Variants in GRK5 observed in about 807,000 individuals in gnomAD.
The protein encoded by GRK5 is G protein-coupled receptor kinase 5.
Under a neutral mutation model 78.4 loss-of-function variants are expected in GRK5, and 40 were observed. The ratio of observed to expected loss-of-function variants is 0.51; its 90% CI spans 0.40 to 0.66. The LOEUF is 0.66. Ranked by LOEUF, GRK5 falls within the 30% of genes least tolerant of loss-of-function variation. GRK5 has a pLI of 0.00. For missense variants in GRK5, 598 were observed against 759.9 expected (o/e 0.79, Z 2.50); for synonymous variants, 289 against 296.8 (o/e 0.97, Z 0.27).
At chr10:119,335,492 T>C (rs1850868755) in intron 2 of GRK5, among the ~76,000 whole-genome samples, 1 of 152,170 alleles carries the variant, frequency 6.6e-6, no homozygotes, top group African/African-American at 2.4e-5. Flanking sequence ...GTCTCCCAAG[T>C]AGCTGGGACT....
rs113844705 is a variant in GRK5 at position 119,379,803 on chromosome 10, C to T, written c.149-1012C>T. Among the ~76,000 whole-genome samples the T allele has an allele frequency of 7.2e-3, 1,093 of 152,300 alleles. 6 individuals are homozygous for T. Among genetic ancestry groups the T allele is most frequent in the African/African-American group, 0.025 (1,045 of 41,562 alleles). On this transcript the variant is annotated intron_variant, in intron 2 of 15. Coordinates refer to ENST00000392870, the MANE Select transcript of GRK5 (RefSeq NM_005308.3). This position sits in a 1 kb window ranked among gnomAD's most constrained non-coding sequence, Gnocchi z 4.1. ...GAAGAACCAAAAGGGAAAGGGCCCC[C>T]ATCCCAACTCCAGCATGCCCTTCTT...
intron 2 of GRK5, among the ~76,000 whole-genome samples, chr10:119,361,587 C>T (rs1042603634): frequency 1.2e-4 from 19 of 152,134 alleles, no homozygotes; most frequent in Admixed American, 5.2e-4. Flanking sequence ...CTGTGCTGCA[C>T]GCCACTGAGG....
intron 3 of GRK5, among the ~76,000 whole-genome samples, chr10:119,384,131 G>A (rs1215901334): frequency 1.3e-5 from 2 of 152,152 alleles, no homozygotes; most frequent in Non-Finnish European, 2.9e-5. Flanking sequence ...GACTTGCCAG[G>A]ACAGTTCAAG....
At chr10:119,242,522 G>A (rs1849042511) in intron 1 of GRK5, among the ~76,000 whole-genome samples, 1 of 149,340 alleles carries the variant, frequency 6.7e-6, no homozygotes, top group Non-Finnish European at 1.5e-5. Flanking sequence ...GCATCATGGT[G>A]CCCAGTGTGT....
At chr10:119,444,161 G>A (rs1426987610) in intron 12 of GRK5, among the ~76,000 whole-genome samples, 1 of 152,070 alleles carries the variant, frequency 6.6e-6, no homozygotes, top group African/African-American at 2.4e-5. Context: ...ATCCTAAGGT[G>A]TTGGTTTAAG....
intron 2 of GRK5, among the ~76,000 whole-genome samples, chr10:119,351,848 A>G (rs1282857180): frequency 6.6e-6 from 1 of 152,240 alleles, no homozygotes; most frequent in Non-Finnish European, 1.5e-5. Flanking sequence ...ATAAAGTTCA[A>G]AGAAGTGAAA....
intron 1 of GRK5, among the ~76,000 whole-genome samples, chr10:119,289,940 A>G (rs1212890214): frequency 6.6e-6 from 1 of 152,190 alleles, no homozygotes. Flanking sequence ...GGTCAGCTGT[A>G]CTTACCGGCT....
At chr10:119,330,713 C>A (rs1315988431) in intron 2 of GRK5, among the ~76,000 whole-genome samples, 1 of 152,136 alleles carries the variant, frequency 6.6e-6, no homozygotes, top group Non-Finnish European at 1.5e-5. Flanking sequence ...CAGCCCCCTC[C>A]TCCCAAATTA....
At chr10:119,262,380 C>T (rs1297395262) in intron 1 of GRK5, among the ~76,000 whole-genome samples, 1 of 127,778 alleles carries the variant, frequency 7.8e-6, no homozygotes, top group Non-Finnish European at 1.6e-5. Context: ...CCTCTGTTGC[C>T]CAGGCTGGAG....
At chr10:119,454,514 G>A (rs1328584602) in intron 15 of GRK5, among the ~76,000 whole-genome samples, 2 of 152,170 alleles carry the variant, frequency 1.3e-5, no homozygotes, top group African/African-American at 2.4e-5. Flanking sequence ...CAATGGGAAC[G>A]ACCGCCCATC....
rs1027028396 is a variant in GRK5 at position 119,394,984 on chromosome 10, G to A, written c.262-1711G>A. Among the ~76,000 whole-genome samples the A allele has an allele frequency of 1.3e-5, 2 of 151,056 alleles. 1 individual carries two copies. Among genetic ancestry groups the A allele is most frequent in the South Asian group, 4.2e-4 (2 of 4,774 alleles). ...CTCTCGAGTCAAATCATCAAGAAGT[G>A]CCCAGTCCCTCAAGGCTCATCTTGA... is the stretch of plus-strand genomic sequence containing the variant. On this transcript the variant is annotated intron_variant, in intron 3 of 15. Coordinates refer to ENST00000392870, the MANE Select transcript of GRK5 (RefSeq NM_005308.3).
At position 119,238,936 on chromosome 10, in the gene GRK5, AG is replaced by A. The variant is rs1848975117; in HGVS notation, c.52+30972del. ...TGAGCAGAAAACTTTGTTTTGGAAA[AG>A]GGGGTGTTGAAGCCAAGGCATTAGA... is the stretch of plus-strand genomic sequence containing the variant. On this transcript the variant is annotated intron_variant, in intron 1 of 15. Transcript: ENST00000392870. The surrounding 1 kb of genome is among the most constrained non-coding windows in gnomAD (Gnocchi z 4.7). 6.6e-6 allele frequency among the ~76,000 whole-genome samples: 1 copy of A among 152,128 alleles called. No individual in the cohort carries two copies. The highest frequency in any genetic ancestry group is 1.5e-5 in the Non-Finnish European group (1 of 68,012).
intron 1 of GRK5, among the ~76,000 whole-genome samples, chr10:119,308,003 C>A (rs971743400): frequency 2.6e-4 from 39 of 152,302 alleles, no homozygotes; most frequent in African/African-American, 9.1e-4. Flanking sequence ...CTATACCCTG[C>A]CTCTATGAGG....
At position 119,452,434 on chromosome 10, in the gene GRK5, A is replaced by G. The variant is rs1853305948; in HGVS notation, c.1405-237A>G. 1.9e-6 allele frequency: 1 copy of G among 529,722 alleles called. No individual in the cohort carries two copies. The highest frequency in any genetic ancestry group is 3.4e-6 in the Non-Finnish European group (1 of 295,338). 32.8% of individuals were successfully genotyped at this position (529,722 alleles called of 1,614,324 possible). ...CACTGTCATCTGGAGGGGTCGCACA[A>G]AAAAACCACAGGCCATCATCTGAGG... On this transcript the variant is annotated intron_variant, in intron 13 of 15. Transcript: ENST00000392870. This position sits in a 1 kb window ranked among gnomAD's most constrained non-coding sequence, Gnocchi z 4.4.
At chr10:119,348,917 C>T (rs1220783196) in intron 2 of GRK5, among the ~76,000 whole-genome samples, 2 of 152,170 alleles carry the variant, frequency 1.3e-5, no homozygotes, top group Non-Finnish European at 2.9e-5. Flanking sequence ...GGCCGCTCTG[C>T]TCATATCCTC....
intron 1 of GRK5, among the ~76,000 whole-genome samples, chr10:119,325,284 G>A (rs1391450649): frequency 5.3e-5 from 8 of 152,206 alleles, no homozygotes; most frequent in Non-Finnish European, 1.0e-4. Flanking sequence ...CAGAGAGGGC[G>A]GGTGCTTGTC....
At chr10:119,247,899 C>A (rs777410048) in intron 1 of GRK5, among the ~76,000 whole-genome samples, 3 of 152,242 alleles carry the variant, frequency 2.0e-5, no homozygotes, top group Admixed American at 6.5e-5. Context: ...AAGTCCCCCC[C>A]ACCCTGCCTG....
intron 1 of GRK5, among the ~76,000 whole-genome samples, chr10:119,282,767 G>A (rs914418771): frequency 3.9e-5 from 6 of 152,186 alleles, no homozygotes; most frequent in East Asian, 1.9e-4. Flanking sequence ...CAGGGTTGGC[G>A]GGGGCCCCAG....
intron 1 of GRK5, among the ~76,000 whole-genome samples, chr10:119,259,265 C>T (rs1849335012): frequency 6.6e-6 from 1 of 151,938 alleles, no homozygotes; most frequent in African/African-American, 2.4e-5. Context: ...GGGGTTTCAC[C>T]GTGTTAGCCA....
Sources: gnomAD v4.1 joint callset for allele counts (sites outside exome capture counted in the v4.1 genomes callset) on GRCh38, gnomAD v4.1.1 for gene constraint, Gnocchi (gnomAD v3.1) non-coding constraint, MANE v1.5 for transcripts, NCBI Gene and HGNC (gene_info 2026-07-23, HGNC 2026-07-21) for gene names.